The following KCNH7 variants were observed in gnomAD, a reference collection of about 807,000 sequenced individuals.
KCNH7 encodes the protein potassium voltage-gated channel subfamily H member 7, also known as voltage-gated inwardly rectifying potassium channel KCNH7.
In KCNH7, 49 loss-of-function variants were observed where a neutral mutation model predicts 120.8. The observed-to-expected ratio is 0.41, with a 90% CI of 0.32 to 0.51. The LOEUF (loss-of-function observed/expected upper bound fraction) is 0.51, where lower values mean the gene tolerates loss of function less well. KCNH7 is among the 20% of genes least tolerant of loss of function. The pLI, the probability that KCNH7 is intolerant of heterozygous loss-of-function variation, is 0.38. For missense variants in KCNH7, 1,097 were observed against 1,446.6 expected (o/e 0.76, Z 3.92); for synonymous variants, 547 against 516.1 (o/e 1.06, Z -0.81).
At chr2:162,411,552 C>A (rs1215031001) in intron 9 of KCNH7, among the ~76,000 whole-genome samples, 4 of 151,830 alleles carry the variant, frequency 2.6e-5, no homozygotes, top group Non-Finnish European at 4.4e-5. Context: ...GCCTCAGTGA[C>A]ACACAATTTA....
chr2:162,432,697 C>T (rs373699032), intron 8 of KCNH7, among the ~76,000 whole-genome samples: 2 of 151,962 alleles, frequency 1.3e-5, no homozygotes, highest in East Asian at 3.9e-4. Context: ...TGCAAACCCA[C>T]AGCCAATATC....
intron 2 of KCNH7, among the ~76,000 whole-genome samples, chr2:162,638,893 A>G (rs942223218): frequency 6.6e-6 from 1 of 152,160 alleles, no homozygotes; most frequent in Non-Finnish European, 1.5e-5. Flanking sequence ...TATTTTTAAC[A>G]TATTCACGCA....
intron 2 of KCNH7, among the ~76,000 whole-genome samples, chr2:162,653,386 G>A (rs1030644153): frequency 6.6e-6 from 1 of 152,132 alleles, no homozygotes; most frequent in Non-Finnish European, 1.5e-5. Context: ...TAAAGTTGTA[G>A]TATACAAAAA....
intron 2 of KCNH7, among the ~76,000 whole-genome samples, chr2:162,783,931 C>T (rs1462169203): frequency 6.6e-6 from 1 of 151,846 alleles, no homozygotes; most frequent in East Asian, 1.9e-4. Context: ...AAGATTTCTC[C>T]TTTATAAATG....
chr2:162,592,431 A>G (rs527641812), intron 2 of KCNH7, among the ~76,000 whole-genome samples: 1 of 152,170 alleles, frequency 6.6e-6, no homozygotes, highest in Admixed American at 6.6e-5. Context: ...CAAGGGGCAC[A>G]CTTATTTTAT....
chr2:162,466,736 T>C (rs1422857905), intron 6 of KCNH7, among the ~76,000 whole-genome samples: 1 of 152,170 alleles, frequency 6.6e-6, no homozygotes, highest in Admixed American at 6.6e-5. Context: ...GGACAGGTAA[T>C]GGGCTTTAAG....
chr2:162,529,494 A>G (rs1691840632), intron 3 of KCNH7, among the ~76,000 whole-genome samples: 1 of 152,002 alleles, frequency 6.6e-6, no homozygotes, highest in Non-Finnish European at 1.5e-5. Context: ...GAATCAGAGT[A>G]TGATACTAGA....
intron 2 of KCNH7, among the ~76,000 whole-genome samples, chr2:162,584,725 T>C (rs1693971866): frequency 6.6e-6 from 1 of 152,040 alleles, no homozygotes; most frequent in African/African-American, 2.4e-5. Context: ...GGCACTGCTG[T>C]TGCAAGATTA....
At chr2:162,421,026 T>G (rs1342645857) in intron 9 of KCNH7, among the ~76,000 whole-genome samples, 3 of 152,160 alleles carry the variant, frequency 2.0e-5, no homozygotes, top group African/African-American at 4.8e-5. Flanking sequence ...GCTTAACAAG[T>G]AAGCATCTTC....
At chr2:162,460,462 T>C (rs532133804) in intron 6 of KCNH7, among the ~76,000 whole-genome samples, 24 of 152,242 alleles carry the variant, frequency 1.6e-4, no homozygotes, top group South Asian at 6.2e-4. Flanking sequence ...GAGGATGAAA[T>C]TAGAATTCCG....
intron 3 of KCNH7, among the ~76,000 whole-genome samples, chr2:162,530,012 T>C (rs908837181): frequency 3.9e-5 from 6 of 151,970 alleles, no homozygotes; most frequent in South Asian, 2.1e-4. Context: ...AGTCATCTAA[T>C]TGTGGCTAGT....
At chr2:162,687,203 A>G (rs1685924974) in intron 2 of KCNH7, among the ~76,000 whole-genome samples, 1 of 151,796 alleles carries the variant, frequency 6.6e-6, no homozygotes, top group Non-Finnish European at 1.5e-5. Context: ...CACATTCACA[A>G]CCTTGACGAT....
At chr2:162,607,695 A>G (rs2105965210) in intron 2 of KCNH7, among the ~76,000 whole-genome samples, 1 of 152,280 alleles carries the variant, frequency 6.6e-6, no homozygotes, top group Non-Finnish European at 1.5e-5. Context: ...CTTTATTAAC[A>G]GTTAATATTT....
At chr2:162,433,852 A>G (rs1414497609) in intron 8 of KCNH7, among the ~76,000 whole-genome samples, 2 of 152,100 alleles carry the variant, frequency 1.3e-5, no homozygotes, top group Admixed American at 1.3e-4. Context: ...CAGAATTATC[A>G]TTCGACCCAA....
chr2:162,746,243 G>A (rs57739581), intron 2 of KCNH7, among the ~76,000 whole-genome samples: 7,472 of 152,002 alleles, frequency 0.049, 540 homozygotes, highest in African/African-American at 0.16. Flanking sequence ...AATTCACTGT[G>A]GATTGCAGCA....
chr2:162,489,704 T>TA (rs1183623734), intron 6 of KCNH7, among the ~76,000 whole-genome samples: 1 of 152,260 alleles, frequency 6.6e-6, no homozygotes, highest in Non-Finnish European at 1.5e-5. Context: ...TGACAATTCT[T>TA]ATAGCTTCCA....
chr2:162,685,407 C>T (rs1216769758), intron 2 of KCNH7, among the ~76,000 whole-genome samples: 3 of 151,934 alleles, frequency 2.0e-5, no homozygotes, highest in Non-Finnish European at 4.4e-5. Context: ...AAGAGATAAC[C>T]TGTACAATTA....
chr2:162,520,243 T>C (rs573667450), intron 3 of KCNH7, among the ~76,000 whole-genome samples: 75 of 148,700 alleles, frequency 5.0e-4, no homozygotes, highest in African/African-American at 1.5e-3. Flanking sequence ...TTCTAGATAC[T>C]GTTCTCTCTC....
At chr2:162,626,803 A>G (rs1293050233) in intron 2 of KCNH7, among the ~76,000 whole-genome samples, 1 of 152,184 alleles carries the variant, frequency 6.6e-6, no homozygotes, top group Non-Finnish European at 1.5e-5. Flanking sequence ...ATTAAAGGTA[A>G]TTAGTTAAAA....
Sources: gnomAD v4.1 joint callset for allele counts (sites outside exome capture counted in the v4.1 genomes callset) on GRCh38, gnomAD v4.1.1 for gene constraint, MANE v1.5 for transcripts, NCBI Gene and HGNC (gene_info 2026-07-23, HGNC 2026-07-21) for gene names.